MYLK3: variants seen among roughly 807,000 people sequenced by gnomAD.
MYLK3 encodes myosin light chain kinase 3, also known as MLC kinase.
MYLK3 carries 55 observed loss-of-function variants against 76.3 expected under a neutral mutation model. The observed-to-expected ratio is 0.72, with a 90% CI of 0.58 to 0.90. The LOEUF (loss-of-function observed/expected upper bound fraction) is 0.90. Among genes scored for constraint, MYLK3 ranks in the 40% least tolerant of loss-of-function variants. The pLI, the probability that MYLK3 is intolerant of heterozygous loss-of-function variation, is 0.00. For synonymous variants in MYLK3, 416 were observed against 425.4 expected, an observed-to-expected ratio of 0.98 and a Z score of 0.27; for missense variants, 973 against 1,053.6, an observed-to-expected ratio of 0.92 and a Z score of 1.06.
chr16:46,713,431 T>G (rs1271765014), intron 9 of MYLK3, among the ~76,000 whole-genome samples: 3 of 152,088 alleles, frequency 2.0e-5, no homozygotes, highest in African/African-American at 7.2e-5. Flanking sequence ...ACTCCTGAGC[T>G]CAAACAATCT....
chr16:46,750,232 T>C (rs1256754753), upstream of MYLK3, among the ~76,000 whole-genome samples: 1 of 152,178 alleles, frequency 6.6e-6, no homozygotes, highest in Non-Finnish European at 1.5e-5. Flanking sequence ...CTCAGAAGTC[T>C]AACACACCCA....
intron 9 of MYLK3, 90 bp downstream of exon 9, chr16:46,721,033 A>G: frequency 8.6e-7 from 1 of 1,164,376 alleles, no homozygotes; most frequent in South Asian, 1.2e-5. Context: ...CCAAAACTCA[A>G]GCATTAGCTG....
intron 1 of MYLK3, among the ~76,000 whole-genome samples, chr16:46,755,348 C>T (rs1474355862): frequency 2.6e-5 from 4 of 151,874 alleles, no homozygotes; most frequent in African/African-American, 2.4e-5. Context: ...ATCCCAGCTA[C>T]TCAGGAGGCT....
chr16:46,749,654 C>T (rs1967093446), upstream of MYLK3, among the ~76,000 whole-genome samples: 4 of 152,278 alleles, frequency 2.6e-5, no homozygotes, highest in South Asian at 4.2e-4. Context: ...GAGGCTAAGG[C>T]GGGAGGATTG....
rs775401309 is a variant in MYLK3, at chr16:46,738,093, T to TG, written c.618dup (p.Ile207HisfsTer9). On this transcript the variant is annotated frameshift_variant, in exon 3 of 13. Transcript: ENST00000394809. LOFTEE classifies it high-confidence loss of function. The stretch of plus-strand genomic sequence containing the variant: ...TCAGCTCCCAGCCCTGACGCTCTGA[T>TG]GGGGGGCAGCCTCTCCGCTGTCCCC... The TG allele has an allele frequency of 1.3e-4, 211 of 1,591,980 alleles. No individual in the cohort carries two copies. The highest frequency in any genetic ancestry group is 5.0e-4 in the Middle Eastern group (3 of 5,966).
At chr16:46,762,544 C>T (rs1418604044) in intron 1 of MYLK3, among the ~76,000 whole-genome samples, 1 of 152,150 alleles carries the variant, frequency 6.6e-6, no homozygotes, top group African/African-American at 2.4e-5. Context: ...ATTGCTTAGG[C>T]TTAAATGAAC....
At chr16:46,711,387 G>A (rs984006578) in intron 10 of MYLK3, among the ~76,000 whole-genome samples, 4 of 152,148 alleles carry the variant, frequency 2.6e-5, no homozygotes. Flanking sequence ...AAGCAGCCAC[G>A]GGAAGTCCAC....
intron 9 of MYLK3, among the ~76,000 whole-genome samples, chr16:46,717,041 A>G (rs1428408798): frequency 6.6e-6 from 1 of 152,198 alleles, no homozygotes. Context: ...TATTTGAGCC[A>G]TTCCAGCAAA....
At chr16:46,758,300 ACACACTCTCTCTCT>A (rs773526570) in intron 1 of MYLK3, among the ~76,000 whole-genome samples, 244 of 51,356 alleles carry the variant, frequency 4.8e-3, no homozygotes, top group African/African-American at 0.016. Context: ...ACACACACAC[ACACACTCTCTCTCT>A]CTCTCTCTCT....
intron 9 of MYLK3, among the ~76,000 whole-genome samples, chr16:46,714,967 G>A (rs1966722389): frequency 6.6e-6 from 1 of 152,154 alleles, no homozygotes; most frequent in Non-Finnish European, 1.5e-5. Context: ...CTGTGGTGTA[G>A]ATACCAATTT....
rs943012661 is a variant in MYLK3 at position 46,704,499 on chromosome 16, T to A, written c.*3205A>T. The A allele has an allele frequency of 2.0e-5, 3 of 151,956 alleles. No homozygotes were observed. Among genetic ancestry groups the A allele is most frequent in the Non-Finnish European group, 2.9e-5 (2 of 67,972 alleles). The allele number at this position is 151,956 out of a possible 1,614,324, so 9.4% of individuals were successfully genotyped here. ...TTGCTCTTGTTGCCCAGGCTGGAGT[T>A]CAATGGTGTGATCTTGGCTCACTGC... On this transcript the variant is annotated 3_prime_UTR_variant, in exon 13 of 13. Coordinates refer to ENST00000394809, the MANE Select transcript of MYLK3 (RefSeq NM_182493.3).
intron 4 of MYLK3, among the ~76,000 whole-genome samples, chr16:46,731,454 G>A (rs1966852320): frequency 6.6e-6 from 1 of 152,240 alleles, no homozygotes; most frequent in East Asian, 1.9e-4. Flanking sequence ...AAGTGCAGTG[G>A]TATGAACCGG....
intron 9 of MYLK3, among the ~76,000 whole-genome samples, chr16:46,714,886 G>A (rs1346984633): frequency 6.6e-6 from 1 of 152,200 alleles, no homozygotes; most frequent in Non-Finnish European, 1.5e-5. Flanking sequence ...GGGTATGTGG[G>A]TAAATGCTTC....
chr16:46,728,995 G>T, intron 7 of MYLK3, 29 bp downstream of exon 7: 2 of 1,561,450 alleles, frequency 1.3e-6, no homozygotes, highest in Non-Finnish European at 1.8e-6. Flanking sequence ...GGCTTGAGCC[G>T]AGGCGGCCGC....
Position 46,737,789 on chromosome 16 carries a change from G to A in MYLK3, c.923C>T (p.Pro308Leu). ...TGGAGGCCCTGGGCACTGAGGGCCA[G>A]GCCCTGGAGTCAGCCTCGTGCCTTC... ...LEEGTRLTPG[P>L]GPQCPGPPGL... Residue 308 changes from proline (P) to leucine (L), a missense_variant, in exon 3 of 13, where the codon CCT becomes CTT. By Grantham distance (98) the Pro-to-Leu change is moderately conservative (BLOSUM62 -3). This residue lies in a region of MYLK3 where 641 missense variants were observed against 637.0 expected (regional missense o/e 1.01). Transcript: ENST00000394809. 6.2e-7 allele frequency: 1 copy of A among 1,612,220 alleles called. No individual in the cohort carries two copies. The highest frequency in any genetic ancestry group is 1.1e-5 in the South Asian group (1 of 91,016).
chr16:46,710,254 C>T (rs918612204), intron 11 of MYLK3, among the ~76,000 whole-genome samples: 3 of 152,174 alleles, frequency 2.0e-5, no homozygotes, highest in African/African-American at 7.2e-5. Context: ...TGACCCATGA[C>T]TTTGATATAG....
chr16:46,754,080 A>T (rs997388579), intron 1 of MYLK3, among the ~76,000 whole-genome samples: 1 of 152,216 alleles, frequency 6.6e-6, no homozygotes, highest in Non-Finnish European at 1.5e-5. Context: ...CAATATAGGG[A>T]TTCGAAGATG....
intron 8 of MYLK3, among the ~76,000 whole-genome samples, chr16:46,722,938 C>T (rs1966814020): frequency 6.6e-6 from 1 of 152,210 alleles, no homozygotes; most frequent in Non-Finnish European, 1.5e-5. Flanking sequence ...TCTCAAACTC[C>T]CGACCTCAGG....
chr16:46,761,242 G>C (rs192936182), intron 1 of MYLK3, among the ~76,000 whole-genome samples: 15 of 152,254 alleles, frequency 9.9e-5, no homozygotes, highest in African/African-American at 3.4e-4. Flanking sequence ...CCAGCCACAC[G>C]ACATCAATGG....
Sources: gnomAD v4.1 joint callset for allele counts (sites outside exome capture counted in the v4.1 genomes callset) on GRCh38, gnomAD v4.1.1 for gene constraint, gnomAD v4.1.1 regional missense constraint, MANE v1.5 for transcripts, NCBI Gene and HGNC (gene_info 2026-07-23, HGNC 2026-07-21) for gene names.